ZNF292: variants seen among roughly 807,000 people sequenced by gnomAD.
ZNF292 encodes zinc finger protein 292.
ZNF292 carries 26 observed loss-of-function variants against 217.9 expected under a neutral mutation model. That is an observed-to-expected ratio of 0.12 (90% CI 0.09 to 0.17). The LOEUF (loss-of-function observed/expected upper bound fraction) is 0.17, where lower values mean the gene tolerates loss of function less well. ZNF292 is among the 10% of genes least tolerant of loss of function. ZNF292 has a pLI of 1.00. For synonymous variants in ZNF292, 1,257 were observed against 1,124.1 expected (o/e 1.12, Z -2.37); for missense variants, 2,904 against 3,175.2 (o/e 0.91, Z 2.05).
At chr6:87,227,474 C>T (rs1043211143) in intron 4 of ZNF292, among the ~76,000 whole-genome samples, 13 of 151,584 alleles carry the variant, frequency 8.6e-5, no homozygotes, top group Non-Finnish European at 1.3e-4. Flanking sequence ...TAAAATGTAC[C>T]GTCTTAACTG....
chr6:87,245,755 G>A lies in ZNF292; in HGVS notation c.1020+111G>A, dbSNP rs941882474. On this transcript the variant is annotated intron_variant, in intron 7 of 7. Transcript: ENST00000369577. Reference sequence around the variant, plus strand: ...TTTCAGTGATTTTTAAATTTTTTCAGTTAGTCCTTTGAACATTTTCTTGTT... The same window carrying A: ...TTTCAGTGATTTTTAAATTTTTTCAATTAGTCCTTTGAACATTTTCTTGTT... The A allele has an allele frequency of 1.2e-5, 8 of 684,790 alleles. No individual in the cohort carries two copies. The African/African-American group carries it at 1.3e-4, about 11-fold the overall frequency. The allele number at this position is 684,790 out of a possible 1,614,324, so 42.4% of individuals were successfully genotyped here. A position where few individuals can be genotyped will look rare whatever the true frequency, so the allele number is the denominator to read the frequency against.
rs1055091496 is a variant in ZNF292, at chr6:87,265,277, G to T, written c.*3476G>T. Reference sequence around the variant, plus strand: ...CTACAGATGCATGCTATCACACCCAGCTAATTTTGTAGTTTTGGCACAATC... The same window carrying T: ...CTACAGATGCATGCTATCACACCCATCTAATTTTGTAGTTTTGGCACAATC... On this transcript the variant is annotated 3_prime_UTR_variant, in exon 8 of 8. Coordinates refer to ENST00000369577, the MANE Select transcript of ZNF292 (RefSeq NM_015021.3). Among the ~76,000 whole-genome samples the T allele has an allele frequency of 6.6e-6, 1 of 151,964 alleles. No individual in the cohort carries two copies. Among genetic ancestry groups the T allele is most frequent in the African/African-American group, 2.4e-5 (1 of 41,356 alleles).
chr6:87,251,197 C>T (rs1774903150), intron 7 of ZNF292, among the ~76,000 whole-genome samples: 1 of 152,200 alleles, frequency 6.6e-6, no homozygotes, highest in Non-Finnish European at 1.5e-5. Context: ...GAAACTAGAA[C>T]AGATGAGGCA....
At chr6:87,208,048 CT>C (rs1029716879) in intron 1 of ZNF292, among the ~76,000 whole-genome samples, 1 of 152,124 alleles carries the variant, frequency 6.6e-6, no homozygotes, top group African/African-American at 2.4e-5. Flanking sequence ...CCGAAAATGA[CT>C]TTTCTATTTT....
intron 1 of ZNF292, among the ~76,000 whole-genome samples, chr6:87,169,503 T>C (rs969129083): frequency 3.3e-5 from 5 of 152,222 alleles, no homozygotes; most frequent in Non-Finnish European, 7.3e-5. Flanking sequence ...CTATTTCATA[T>C]AAATAATTTA....
chr6:87,161,873 C>T (rs1179454538), intron 1 of ZNF292, among the ~76,000 whole-genome samples: 2 of 152,094 alleles, frequency 1.3e-5, no homozygotes, highest in East Asian at 1.9e-4. Context: ...AAGACAAATC[C>T]CCTAATGGTT....
intron 1 of ZNF292, among the ~76,000 whole-genome samples, chr6:87,213,360 G>A (rs902454099): frequency 7.9e-5 from 12 of 152,156 alleles, no homozygotes; most frequent in African/African-American, 2.4e-4. Flanking sequence ...TGCGGAAAGG[G>A]TGCTCCTTGC....
intron 7 of ZNF292, among the ~76,000 whole-genome samples, chr6:87,253,889 T>C (rs554234713): frequency 1.6e-4 from 24 of 152,242 alleles, no homozygotes; most frequent in Non-Finnish European, 2.6e-4. Context: ...CCCATTTTTA[T>C]CTCTTTACTC....
At position 87,256,433 on chromosome 6, in the gene ZNF292, T is replaced by C; in HGVS notation, c.2804T>C (p.Val935Ala). Reference protein sequence around the residue: ...ATTPLLQSSEVAVSIKVSLNQ... With the variant: ...ATTPLLQSSEAAVSIKVSLNQ... ...ACTCCTCTACTTCAATCCAGTGAAG[T>C]AGCTGTGTCCATTAAGGTGTCTCTC... Residue 935 changes from valine to alanine, a missense_variant, in exon 8 of 8, where the codon GTA becomes GCA. Val to Ala is a moderately conservative substitution (Grantham distance 64, BLOSUM62 0). Around this residue, in one of 15 missense-constraint regions of ZNF292, gnomAD observed 687 missense variants for 623.0 expected, o/e 1.10. Coordinates refer to ENST00000369577, the MANE Select transcript of ZNF292 (RefSeq NM_015021.3). 6.2e-7 allele frequency: 1 copy of C among 1,607,296 alleles called. No homozygotes were observed. The highest frequency in any genetic ancestry group is 8.5e-7 in the Non-Finnish European group (1 of 1,179,788).
At position 87,245,556 on chromosome 6, in the gene ZNF292, A is replaced by G; in HGVS notation, c.932A>G (p.Gln311Arg). ...KLQQRVEPSI[Q>R]VYLERCRQLS... ...CAACAAAGAGTAGAACCATCTATAC[A>G]AGTGTACCTTGAGAGGTGTCGTCAA... Residue 311 changes from glutamine to arginine, a missense_variant, in exon 7 of 8, where the codon CAA becomes CGA. Physicochemically the swap from Gln to Arg is conservative, Grantham distance 43 (BLOSUM62 1). Around this residue, in one of 15 missense-constraint regions of ZNF292, gnomAD observed 313 missense variants for 451.0 expected, o/e 0.69. Coordinates refer to ENST00000369577, the MANE Select transcript of ZNF292 (RefSeq NM_015021.3). 1 of 1,564,798 alleles carries G rather than the reference A, an allele frequency of 6.4e-7. No homozygotes were observed. The highest frequency in any genetic ancestry group is 1.4e-5 in the African/African-American group (1 of 73,556).
intron 1 of ZNF292, chr6:87,170,394 ATT>A (rs1771061753): frequency 6.6e-6 from 1 of 152,236 alleles, no homozygotes; most frequent in Non-Finnish European, 1.5e-5. Context: ...GCATGAAGAT[ATT>A]TTGTAGAAAG....
Position 87,261,949 on chromosome 6 carries a change from A to T in ZNF292, c.*148A>T. Reference sequence around the variant, plus strand: ...AAACAAAAAAGAAAAAAAAAACATGACATTTGTCATGTAAAACTTTTTTTT... The same window carrying T: ...AAACAAAAAAGAAAAAAAAAACATGTCATTTGTCATGTAAAACTTTTTTTT... On this transcript the variant is annotated 3_prime_UTR_variant, in exon 8 of 8. Coordinates refer to ENST00000369577, the MANE Select transcript of ZNF292 (RefSeq NM_015021.3). The T allele has an allele frequency of 1.7e-6, 1 of 584,652 alleles. No homozygotes were observed. The highest frequency in any genetic ancestry group is 2.7e-6 in the Non-Finnish European group (1 of 373,574). The allele number at this position is 584,652 out of a possible 1,614,324, so 36.2% of individuals were successfully genotyped here. A position where few individuals can be genotyped will look rare whatever the true frequency, so the allele number is the denominator to read the frequency against.
chr6:87,193,981 ATCT>A (rs899980376), intron 1 of ZNF292, among the ~76,000 whole-genome samples: 4 of 152,330 alleles, frequency 2.6e-5, no homozygotes, highest in African/African-American at 9.6e-5. Flanking sequence ...GAGATAAAAC[ATCT>A]TAAAGGTCTA....
intron 2 of ZNF292, 70 bp from the exon 3 acceptor site, chr6:87,216,229 A>G: frequency 7.1e-7 from 1 of 1,416,894 alleles, no homozygotes; most frequent in Non-Finnish European, 9.7e-7. Context: ...TGATACTAGA[A>G]TTACTGGTTT....
intron 1 of ZNF292, among the ~76,000 whole-genome samples, chr6:87,199,114 T>C (rs1213590069): frequency 6.6e-6 from 1 of 152,220 alleles, no homozygotes; most frequent in African/African-American, 2.4e-5. Flanking sequence ...CATTTTACAT[T>C]CTCCTTAGCA....
chr6:87,179,323 G>C (rs1315956723), intron 1 of ZNF292, among the ~76,000 whole-genome samples: 2 of 151,984 alleles, frequency 1.3e-5, no homozygotes, highest in Non-Finnish European at 2.9e-5. Context: ...ATCATGCCCA[G>C]CTAATTCTTG....
chr6:87,204,055 A>G (rs1772171697), intron 1 of ZNF292, among the ~76,000 whole-genome samples: 1 of 152,222 alleles, frequency 6.6e-6, no homozygotes, highest in African/African-American at 2.4e-5. Context: ...TGTTCTCACT[A>G]AAAATGCGTA....
At chr6:87,162,247 A>G (rs2127769253) in intron 1 of ZNF292, among the ~76,000 whole-genome samples, 1 of 152,366 alleles carries the variant, frequency 6.6e-6, no homozygotes, top group South Asian at 2.1e-4. Flanking sequence ...TAAAAACCAA[A>G]TTAAAACTGT....
intron 1 of ZNF292, among the ~76,000 whole-genome samples, chr6:87,180,664 C>T (rs184024602): frequency 1.5e-5 from 2 of 132,478 alleles, no homozygotes; most frequent in Admixed American, 8.0e-5. Context: ...TGCTCAACCT[C>T]GAGCCCCTTA....
Sources: gnomAD v4.1 joint callset for allele counts (sites outside exome capture counted in the v4.1 genomes callset) on GRCh38, gnomAD v4.1.1 for gene constraint, gnomAD v4.1.1 regional missense constraint, MANE v1.5 for transcripts, NCBI Gene and HGNC (gene_info 2026-07-23, HGNC 2026-07-21) for gene names.